Variants in FAM83B observed in about 807,000 individuals in gnomAD.
FAM83B encodes scaffolding CK1 anchoring protein B, also known as protein FAM83B.
In FAM83B, 26 loss-of-function variants were observed where a neutral mutation model predicts 38.8. The ratio of observed to expected loss-of-function variants is 0.67; its 90% CI spans 0.49 to 0.93. FAM83B has a LOEUF of 0.93. Among genes scored for constraint, FAM83B ranks in the 40% least tolerant of loss-of-function variants. The probability of loss-of-function intolerance (pLI) is 0.00; values close to 1 mark genes in which losing one functional copy is unlikely to be tolerated. For missense variants in FAM83B, 1,237 were observed against 1,197.3 expected, an observed-to-expected ratio of 1.03 and a Z score of -0.49; for synonymous variants, 419 against 423.1, an observed-to-expected ratio of 0.99 and a Z score of 0.12.
At chr6:54,878,693 G>A (rs528885494) in intron 2 of FAM83B, among the ~76,000 whole-genome samples, 29 of 152,230 alleles carry the variant, frequency 1.9e-4, no homozygotes, top group African/African-American at 7.0e-4. Flanking sequence ...ATCCCCACTG[G>A]CCATTTTAAG....
chr6:54,889,445 A>G lies in FAM83B; in HGVS notation c.444+18755A>G, dbSNP rs373525166. On this transcript the variant is annotated intron_variant, in intron 2 of 4. Coordinates refer to ENST00000306858, the MANE Select transcript of FAM83B (RefSeq NM_001010872.3). ...AAATCCCTGTGTTTAAAATAACACT[A>G]CCGCAGAGTATTGGTTCCAGGACGC... Among the ~76,000 whole-genome samples the G allele has an allele frequency of 9.9e-5, 15 of 152,196 alleles. No homozygotes were observed. The East Asian group carries it at 2.7e-3, about 27-fold the overall frequency.
At chr6:54,866,421 T>C (rs1221358391) in intron 1 of FAM83B, among the ~76,000 whole-genome samples, 3 of 152,128 alleles carry the variant, frequency 2.0e-5, no homozygotes, top group African/African-American at 4.8e-5. Context: ...TGTCAAGATA[T>C]AGAATATTTC....
intron 2 of FAM83B, among the ~76,000 whole-genome samples, chr6:54,891,514 C>T (rs555569622): frequency 1.3e-5 from 2 of 152,264 alleles, no homozygotes; most frequent in South Asian, 4.1e-4. Flanking sequence ...TTTCTACCTT[C>T]ATACTTTGGC....
At chr6:54,900,103 A>G (rs1468383233) in intron 2 of FAM83B, among the ~76,000 whole-genome samples, 1 of 152,216 alleles carries the variant, frequency 6.6e-6, no homozygotes, top group Non-Finnish European at 1.5e-5. Context: ...TATGCAAAAT[A>G]TCATGTACAT....
intron 1 of FAM83B, among the ~76,000 whole-genome samples, chr6:54,863,006 A>T (rs1468646720): frequency 6.6e-6 from 1 of 152,224 alleles, no homozygotes; most frequent in Non-Finnish European, 1.5e-5. Context: ...ACTGGGAAGA[A>T]GAGTAGGAGG....
At chr6:54,879,512 CT>C (rs1772075725) in intron 2 of FAM83B, among the ~76,000 whole-genome samples, 3 of 152,164 alleles carry the variant, frequency 2.0e-5, no homozygotes, top group Non-Finnish European at 2.9e-5. Context: ...TAGGAGGTCC[CT>C]TTTTTTAACA....
At chr6:54,908,894 G>T (rs1772840434) in intron 2 of FAM83B, among the ~76,000 whole-genome samples, 2 of 152,180 alleles carry the variant, frequency 1.3e-5, no homozygotes, top group African/African-American at 4.8e-5. Flanking sequence ...GAGTCATATA[G>T]TATAATAGTA....
chr6:54,930,844 A>T (rs1773404544), intron 4 of FAM83B, among the ~76,000 whole-genome samples: 1 of 152,094 alleles, frequency 6.6e-6, no homozygotes, highest in South Asian at 2.1e-4. Flanking sequence ...TACATATGGT[A>T]TAGGTCATAT....
Position 54,896,978 on chromosome 6 carries a change from G to A in FAM83B, c.444+26288G>A, listed in dbSNP as rs144053805. On this transcript the variant is annotated intron_variant, in intron 2 of 4. Coordinates refer to ENST00000306858, the MANE Select transcript of FAM83B (RefSeq NM_001010872.3). ...GATTCTTAGAGGTCATACTGTAACAGTAAGAATGCACAATACTATGAAAAT... is the reference window on the plus strand; with the variant it reads ...GATTCTTAGAGGTCATACTGTAACAATAAGAATGCACAATACTATGAAAAT... Among the ~76,000 whole-genome samples, 164 of 152,284 alleles carry A rather than the reference G, an allele frequency of 1.1e-3. 1 individual carries two copies. In the East Asian group the frequency reaches 0.013, roughly 12 times the overall value.
chr6:54,909,699 G>T (rs966465044), intron 2 of FAM83B, among the ~76,000 whole-genome samples: 4 of 152,116 alleles, frequency 2.6e-5, no homozygotes, highest in Non-Finnish European at 5.9e-5. Flanking sequence ...CCCCAAGAAA[G>T]TAATAAGTAA....
intron 2 of FAM83B, among the ~76,000 whole-genome samples, chr6:54,897,915 G>A (rs1439185212): frequency 6.6e-6 from 1 of 152,046 alleles, no homozygotes. Context: ...TGGGGGCAGA[G>A]AAAATACCCG....
chr6:54,932,579 A>G (rs145631734), intron 4 of FAM83B, among the ~76,000 whole-genome samples: 4 of 152,178 alleles, frequency 2.6e-5, no homozygotes, highest in African/African-American at 7.2e-5. Context: ...TGATATTTTC[A>G]TAAGGCTTTG....
chr6:54,855,922 T>A (rs1435750209), intron 1 of FAM83B, among the ~76,000 whole-genome samples: 1 of 152,184 alleles, frequency 6.6e-6, no homozygotes, highest in Non-Finnish European at 1.5e-5. Flanking sequence ...AATAATTCAG[T>A]TTATTTTGTA....
intron 1 of FAM83B, among the ~76,000 whole-genome samples, chr6:54,856,602 A>G (rs751102634): frequency 6.6e-6 from 1 of 152,184 alleles, no homozygotes; most frequent in African/African-American, 2.4e-5. Context: ...TCTCTTATTT[A>G]TTAACTTCCC....
chr6:54,887,308 CA>C (rs2127579433), intron 2 of FAM83B, among the ~76,000 whole-genome samples: 2 of 152,278 alleles, frequency 1.3e-5, no homozygotes, highest in East Asian at 3.9e-4. Flanking sequence ...ATGCAAAACT[CA>C]CATCTGTGGA....
rs1282783137 is a variant in FAM83B at position 54,870,169 on chromosome 6, CTTCTT to C, written c.-60-14_-60-10del. 9 of 1,094,358 alleles carry C rather than the reference CTTCTT, an allele frequency of 8.2e-6. No individual in the cohort carries two copies. Among genetic ancestry groups the C allele is most frequent in the African/African-American group, 1.6e-5 (1 of 63,452 alleles). 67.8% of individuals were successfully genotyped at this position (1,094,358 alleles called of 1,614,324 possible). A position where few individuals can be genotyped will look rare whatever the true frequency, so the allele number is the denominator to read the frequency against. ...CGAATTTTAACTTGATCTTGATTTTCTTCTTTTCAAATACCAGATACTTCTCACCA... is the reference window on the plus strand; with the variant it reads ...CGAATTTTAACTTGATCTTGATTTTCTTCAAATACCAGATACTTCTCACCA... On this transcript the variant is annotated splice_polypyrimidine_tract_variant and intron_variant, in intron 1 of 4. Transcript: ENST00000306858.
intron 2 of FAM83B, among the ~76,000 whole-genome samples, chr6:54,892,574 C>G (rs1046700643): frequency 2.0e-5 from 3 of 151,780 alleles, no homozygotes; most frequent in African/African-American, 7.3e-5. Context: ...CCTCCTCCAT[C>G]CCTGTTCCTG....
At chr6:54,927,179 C>T (rs879653672) in intron 3 of FAM83B, among the ~76,000 whole-genome samples, 3 of 152,040 alleles carry the variant, frequency 2.0e-5, no homozygotes, top group Admixed American at 6.6e-5. Context: ...TTTTCTGTTA[C>T]TTTTGACTTT....
intron 2 of FAM83B, among the ~76,000 whole-genome samples, chr6:54,883,329 T>G (rs576843396): frequency 7.3e-6 from 1 of 137,180 alleles, no homozygotes; most frequent in Non-Finnish European, 1.5e-5. Flanking sequence ...GATTTTTTTT[T>G]AAGTTTTTTT....
Sources: gnomAD v4.1 joint callset for allele counts (sites outside exome capture counted in the v4.1 genomes callset) on GRCh38, gnomAD v4.1.1 for gene constraint, MANE v1.5 for transcripts, NCBI Gene and HGNC (gene_info 2026-07-23, HGNC 2026-07-21) for gene names.